Variants in CNTNAP5 observed in about 807,000 individuals in gnomAD.
CNTNAP5 encodes contactin-associated protein-like 5.
In CNTNAP5, 72 loss-of-function variants were observed where a neutral mutation model predicts 150.2. That is an observed-to-expected ratio of 0.48 (90% CI 0.40 to 0.58). The LOEUF is 0.58. Among genes scored for constraint, CNTNAP5 ranks in the 20% least tolerant of loss-of-function variants. The probability of loss-of-function intolerance (pLI) is 0.00; values close to 1 mark genes in which losing one functional copy is unlikely to be tolerated. For missense variants in CNTNAP5, 1,636 were observed against 1,626.2 expected (o/e 1.01, Z -0.10); for synonymous variants, 672 against 619.8 (o/e 1.08, Z -1.25).
At chr2:124,058,918 T>A (rs1681929045) in intron 1 of CNTNAP5, among the ~76,000 whole-genome samples, 1 of 152,236 alleles carries the variant, frequency 6.6e-6, no homozygotes, top group Non-Finnish European at 1.5e-5. Flanking sequence ...GATATTTAAT[T>A]GGCCATGTGC....
chr2:124,762,861 G>A (rs1306227280), intron 14 of CNTNAP5, among the ~76,000 whole-genome samples: 1 of 152,032 alleles, frequency 6.6e-6, no homozygotes, highest in Non-Finnish European at 1.5e-5. Flanking sequence ...TGGGCATAAT[G>A]ACACCTACAG....
rs1347193687 is a variant in CNTNAP5 at position 124,920,610 on chromosome 2, G to T, written c.*6322G>T. 1.3e-5 allele frequency among the ~76,000 whole-genome samples: 2 copies of T among 152,126 alleles called. No homozygotes were observed. Among genetic ancestry groups the T allele is most frequent in the Non-Finnish European group, 2.9e-5 (2 of 67,996 alleles). On this transcript the variant is annotated 3_prime_UTR_variant, in exon 24 of 24. Transcript: ENST00000682447. ...GAATCTGGCAGTTGACAGGCCTCCT[G>T]ATATCCTGTGTTGCCTTGGACTAAC... is the stretch of plus-strand genomic sequence containing the variant.
intron 13 of CNTNAP5, 113 bp downstream of exon 13, chr2:124,648,071 G>A: frequency 2.3e-6 from 2 of 886,256 alleles, no homozygotes; most frequent in South Asian, 3.5e-5. Flanking sequence ...TAGTCACTGT[G>A]CACTCGAGAG....
intron 10 of CNTNAP5, among the ~76,000 whole-genome samples, chr2:124,537,322 T>C (rs1395328529): frequency 6.6e-6 from 1 of 152,120 alleles, no homozygotes; most frequent in Non-Finnish European, 1.5e-5. Context: ...AAATGATGCA[T>C]TTTTGTCTTG....
chr2:124,600,364 A>C (rs1445264168), intron 11 of CNTNAP5, among the ~76,000 whole-genome samples: 1 of 152,126 alleles, frequency 6.6e-6, no homozygotes, highest in East Asian at 1.9e-4. Flanking sequence ...AGGAGAAGGT[A>C]GCCCATCTGG....
intron 19 of CNTNAP5, among the ~76,000 whole-genome samples, chr2:124,817,319 C>CT (rs1682384693): frequency 6.6e-6 from 1 of 152,020 alleles, no homozygotes; most frequent in Non-Finnish European, 1.5e-5. Flanking sequence ...AAAGTAGATG[C>CT]ATTCCATTTG....
chr2:124,266,286 T>C (rs1027056090), intron 3 of CNTNAP5, among the ~76,000 whole-genome samples: 15 of 152,292 alleles, frequency 9.8e-5, no homozygotes, highest in African/African-American at 3.6e-4. Flanking sequence ...CAGAATTTTC[T>C]AGTCTACAGG....
chr2:124,591,113 G>A (rs1240831450), intron 11 of CNTNAP5, among the ~76,000 whole-genome samples: 7 of 152,118 alleles, frequency 4.6e-5, no homozygotes, highest in Admixed American at 4.6e-4. Flanking sequence ...TTTCATTGAA[G>A]AGCACATATC....
intron 11 of CNTNAP5, among the ~76,000 whole-genome samples, chr2:124,583,006 A>G (rs1224581433): frequency 1.3e-5 from 2 of 152,046 alleles, no homozygotes; most frequent in East Asian, 3.9e-4. Flanking sequence ...TTTTTTTTCC[A>G]GCTTGACACC....
At chr2:124,165,209 G>C (rs1573804322) in intron 1 of CNTNAP5, among the ~76,000 whole-genome samples, 1 of 152,160 alleles carries the variant, frequency 6.6e-6, no homozygotes, top group East Asian at 1.9e-4. Context: ...TTTTGAGTCA[G>C]ACCAGGATTT....
intron 3 of CNTNAP5, among the ~76,000 whole-genome samples, chr2:124,337,707 GGTTCT>G (rs1689509221): frequency 6.6e-6 from 1 of 152,028 alleles, no homozygotes; most frequent in Non-Finnish European, 1.5e-5. Flanking sequence ...TATTTCTGAG[GGTTCT>G]GTTCTGTTCC....
intron 18 of CNTNAP5, among the ~76,000 whole-genome samples, chr2:124,796,486 T>G (rs1681848924): frequency 6.6e-6 from 1 of 152,230 alleles, no homozygotes; most frequent in African/African-American, 2.4e-5. Context: ...CTGCATATTT[T>G]TATAAACAGG....
intron 2 of CNTNAP5, among the ~76,000 whole-genome samples, chr2:124,240,057 A>G (rs1282851041): frequency 6.6e-6 from 1 of 152,062 alleles, no homozygotes; most frequent in Non-Finnish European, 1.5e-5. Context: ...CTATGTTTTA[A>G]TCCTGGGTGC....
chr2:124,407,162 T>A (rs1244355206), intron 3 of CNTNAP5, among the ~76,000 whole-genome samples: 1 of 151,978 alleles, frequency 6.6e-6, no homozygotes, highest in Non-Finnish European at 1.5e-5. Context: ...GGTGCAGGTA[T>A]CCTTTTGATA....
At chr2:124,239,906 A>G (rs1686844186) in intron 2 of CNTNAP5, among the ~76,000 whole-genome samples, 1 of 152,134 alleles carries the variant, frequency 6.6e-6, no homozygotes, top group South Asian at 2.1e-4. Flanking sequence ...TTGAATGACA[A>G]AAATGTACTC....
chr2:124,721,500 A>AATAAATAAATAC (rs70999211), intron 13 of CNTNAP5, among the ~76,000 whole-genome samples: 23,036 of 148,032 alleles, frequency 0.16, 2,129 homozygotes, highest in East Asian at 0.24. Context: ...TAAATAAATA[A>AATAAATAAATAC]ATAAATAAAT....
intron 1 of CNTNAP5, among the ~76,000 whole-genome samples, chr2:124,201,201 G>A (rs1233849560): frequency 6.6e-6 from 1 of 152,230 alleles, no homozygotes; most frequent in Non-Finnish European, 1.5e-5. Flanking sequence ...AATAGGAACT[G>A]AGAAGGACTT....
intron 13 of CNTNAP5, among the ~76,000 whole-genome samples, chr2:124,690,577 A>G (rs2105078573): frequency 6.6e-6 from 1 of 152,116 alleles, no homozygotes; most frequent in East Asian, 1.9e-4. Context: ...AAGTCACTCA[A>G]GGCCCTCTGT....
intron 11 of CNTNAP5, among the ~76,000 whole-genome samples, chr2:124,599,212 G>T (rs1266699010): frequency 6.6e-6 from 1 of 152,076 alleles, no homozygotes; most frequent in Non-Finnish European, 1.5e-5. Flanking sequence ...ATTTGATCGT[G>T]GTCTGCAGTA....
Sources: allele counts gnomAD v4.1 joint callset (sites outside exome capture counted in the v4.1 genomes callset), GRCh38; gene constraint gnomAD v4.1.1; transcripts MANE v1.5; gene names NCBI Gene and HGNC (gene_info 2026-07-23, HGNC 2026-07-21).